The following IQUB variants were observed in gnomAD, a reference collection of about 807,000 sequenced individuals.
IQUB encodes the protein IQ motif and ubiquitin domain containing, also known as IQ motif and ubiquitin-like domain-containing protein.
IQUB carries 86 observed loss-of-function variants against 86.4 expected under a neutral mutation model. The observed-to-expected ratio is 1.00, with a 90% CI of 0.84 to 1.19. IQUB has a LOEUF of 1.19. Among genes scored for constraint, IQUB ranks in the 50% most tolerant of loss-of-function variants. The pLI is 0.00. For synonymous variants in IQUB, 289 were observed against 304.5 expected, an observed-to-expected ratio of 0.95 and a Z score of 0.53; for missense variants, 946 against 916.9, an observed-to-expected ratio of 1.03 and a Z score of -0.41.
chr7:123,502,258 T>C (rs867674137), intron 6 of IQUB: 2 of 239,452 alleles, frequency 8.4e-6, no homozygotes, highest in Non-Finnish European at 7.9e-6. Flanking sequence ...ACTGTCCTAT[T>C]TGGTTTCAAT....
intron 1 of IQUB, among the ~76,000 whole-genome samples, chr7:123,515,393 T>C (rs569549429): frequency 6.8e-4 from 104 of 152,312 alleles, no homozygotes; most frequent in African/African-American, 2.4e-3. Context: ...ATAAAGGACT[T>C]ATATTCAGAC....
intron 11 of IQUB, chr7:123,459,625 C>T (rs570780082): frequency 6.6e-6 from 1 of 151,970 alleles, no homozygotes; most frequent in South Asian, 2.1e-4. Context: ...TTCCTTGTAA[C>T]AAATCTCCTT....
In IQUB at chr7:123,499,135, C is replaced by T. The variant is rs188045153; in HGVS notation, c.1024-2229G>A. Reference sequence around the variant, plus strand: ...CTTTTTTTCTTTTTTTCTTTTTAGGCGAAGTCTCACTGTCACCCAGGCTAG... The same window carrying T: ...CTTTTTTTCTTTTTTTCTTTTTAGGTGAAGTCTCACTGTCACCCAGGCTAG... On this transcript the variant is annotated intron_variant, in intron 6 of 12. Coordinates refer to ENST00000324698, the MANE Select transcript of IQUB (RefSeq NM_178827.5). 4.0e-5 allele frequency among the ~76,000 whole-genome samples: 6 copies of T among 151,258 alleles called. No homozygotes were observed. The South Asian group carries it at 8.4e-4, about 21-fold the overall frequency.
At position 123,504,912 on chromosome 7, in the gene IQUB, G is replaced by A. The variant is rs1796109139; in HGVS notation, c.533-1549C>T. Among the ~76,000 whole-genome samples the A allele has an allele frequency of 2.0e-5, 3 of 152,264 alleles. No homozygotes were observed. The South Asian group carries it at 6.2e-4, about 32-fold the overall frequency. Reference sequence around the variant, plus strand: ...CAGACCAAAGTCTCATCTGAGACAAGGCAAGTCCCTTCCACCTATGAGCCT... The same window carrying A: ...CAGACCAAAGTCTCATCTGAGACAAAGCAAGTCCCTTCCACCTATGAGCCT... On this transcript the variant is annotated intron_variant, in intron 3 of 12. Transcript: ENST00000324698.
intron 8 of IQUB, among the ~76,000 whole-genome samples, chr7:123,474,612 T>C (rs1390138380): frequency 6.6e-6 from 1 of 152,232 alleles, no homozygotes; most frequent in Non-Finnish European, 1.5e-5. Flanking sequence ...AGTGAGTTTT[T>C]AATTCACTAT....
chr7:123,522,283 T>C (rs1178069096), intron 1 of IQUB, among the ~76,000 whole-genome samples: 1 of 152,152 alleles, frequency 6.6e-6, no homozygotes, highest in Non-Finnish European at 1.5e-5. Context: ...GCTTGGGAAA[T>C]TGGCACAAAC....
intron 11 of IQUB, among the ~76,000 whole-genome samples, chr7:123,460,641 G>C (rs1049680700): frequency 6.6e-6 from 1 of 151,816 alleles, no homozygotes; most frequent in Admixed American, 6.6e-5. Context: ...AAGTCCTTCT[G>C]TTTTCTCACT....
intron 7 of IQUB, among the ~76,000 whole-genome samples, chr7:123,493,192 G>A (rs182396792): frequency 6.6e-6 from 1 of 152,026 alleles, no homozygotes; most frequent in Non-Finnish European, 1.5e-5. Flanking sequence ...CCCAAACACA[G>A]GGAACATTTC....
intron 1 of IQUB, among the ~76,000 whole-genome samples, chr7:123,522,647 A>G (rs573069665): frequency 6.6e-6 from 1 of 152,254 alleles, no homozygotes; most frequent in Non-Finnish European, 1.5e-5. Flanking sequence ...ATAATTATAC[A>G]TTAATAATGA....
At chr7:123,521,681 C>CACAGAG (rs533866528) in intron 1 of IQUB, among the ~76,000 whole-genome samples, 12 of 151,138 alleles carry the variant, frequency 7.9e-5, no homozygotes, top group Non-Finnish European at 1.3e-4. Flanking sequence ...CACACACACA[C>CACAGAG]AGAGATCACA....
chr7:123,464,931 G>T lies in IQUB; in HGVS notation c.1660C>A (p.His554Asn). Residue 554 changes from histidine to asparagine, a missense_variant, in exon 10 of 13, where the codon CAT becomes AAT. Coordinates refer to ENST00000324698, the MANE Select transcript of IQUB (RefSeq NM_178827.5). The stretch of plus-strand genomic sequence containing the variant: ...TTTCTGAGTCCTTCAAGGTTATGAT[G>T]TTTGACTCCTCTCATCATAAGGTCA... Reference protein sequence around the residue: ...EVDLMMRGVKHHNLEGLRKRI... With the variant: ...EVDLMMRGVKNHNLEGLRKRI... 1 of 1,604,188 alleles carries T rather than the reference G, an allele frequency of 6.2e-7. No individual in the cohort carries two copies. Among genetic ancestry groups the T allele is most frequent in the Non-Finnish European group, 8.5e-7 (1 of 1,174,476 alleles).
chr7:123,480,302 T>C (rs1794948474), intron 7 of IQUB, among the ~76,000 whole-genome samples: 1 of 152,100 alleles, frequency 6.6e-6, no homozygotes, highest in Non-Finnish European at 1.5e-5. Flanking sequence ...ACATCTCCCT[T>C]CAAGAGAGTA....
intron 6 of IQUB, 42 bp downstream of exon 6, chr7:123,502,555 T>C (rs1795990858): frequency 1.3e-6 from 2 of 1,562,922 alleles, no homozygotes; most frequent in Admixed American, 3.6e-5. Context: ...CTGGCTTATA[T>C]ATCAAATTTT....
intron 9 of IQUB, among the ~76,000 whole-genome samples, chr7:123,467,643 A>T (rs763269811): frequency 2.0e-5 from 3 of 152,180 alleles, no homozygotes; most frequent in Non-Finnish European, 1.5e-5. Flanking sequence ...CCTTGAATAT[A>T]TAACTGGAAT....
chr7:123,462,858 C>T, intron 10 of IQUB: 1 of 455,018 alleles, frequency 2.2e-6, no homozygotes, highest in Non-Finnish European at 4.4e-6. Context: ...AAAAAAATAA[C>T]TCATTCTTAT....
chr7:123,482,302 G>C (rs895902707), intron 7 of IQUB, among the ~76,000 whole-genome samples: 6 of 151,844 alleles, frequency 4.0e-5, no homozygotes, highest in African/African-American at 1.4e-4. Flanking sequence ...AAAATTAAAA[G>C]CATATTTGAA....
chr7:123,527,600 G>A (rs545211724), intron 1 of IQUB, among the ~76,000 whole-genome samples: 1 of 147,328 alleles, frequency 6.8e-6, no homozygotes, highest in East Asian at 1.9e-4. Context: ...TGCCCCTGCT[G>A]GGGGGTGCCT....
At chr7:123,501,588 T>C (rs1330926430) in intron 6 of IQUB, 4 of 152,168 alleles carry the variant, frequency 2.6e-5, no homozygotes, top group Non-Finnish European at 5.9e-5. Context: ...ATTCCACTCT[T>C]GCCTAGAGGT....
chr7:123,468,130 G>C (rs879696790), intron 9 of IQUB, among the ~76,000 whole-genome samples: 2 of 152,146 alleles, frequency 1.3e-5, no homozygotes, highest in Non-Finnish European at 2.9e-5. Context: ...ATGGAAGTCT[G>C]GTAGCCTCAG....
Sources: gnomAD v4.1 joint callset for allele counts (sites outside exome capture counted in the v4.1 genomes callset) on GRCh38, gnomAD v4.1.1 for gene constraint, MANE v1.5 for transcripts, NCBI Gene and HGNC (gene_info 2026-07-23, HGNC 2026-07-21) for gene names.